The following PARD3 variants were observed in gnomAD, a reference collection of about 807,000 sequenced individuals.
PARD3 encodes partitioning defective 3 homolog.
A neutral mutation model predicts 155.4 loss-of-function variants in PARD3; 75 were observed. The ratio of observed to expected loss-of-function variants is 0.48; its 90% CI spans 0.40 to 0.58. The LOEUF (loss-of-function observed/expected upper bound fraction) is 0.58. PARD3 is among the 20% of genes least tolerant of loss of function. The pLI, the probability that PARD3 is intolerant of heterozygous loss-of-function variation, is 0.00. For missense variants in PARD3, 1,642 were observed against 1,721.7 expected, an observed-to-expected ratio of 0.95 and a Z score of 0.82; for synonymous variants, 576 against 610.5, an observed-to-expected ratio of 0.94 and a Z score of 0.83.
intron 2 of PARD3, among the ~76,000 whole-genome samples, chr10:34,522,126 A>T (rs2082184301): frequency 6.6e-6 from 1 of 152,198 alleles, no homozygotes; most frequent in Admixed American, 6.5e-5. Flanking sequence ...TGGAAAGATT[A>T]TCCTTCATTA....
intron 24 of PARD3, among the ~76,000 whole-genome samples, chr10:34,111,956 G>C (rs771494850): frequency 6.6e-6 from 1 of 152,170 alleles, no homozygotes; most frequent in South Asian, 2.1e-4. Flanking sequence ...GCTCGCTTTA[G>C]AACATTACAA....
intron 24 of PARD3, among the ~76,000 whole-genome samples, chr10:34,115,810 T>C (rs1250525254): frequency 2.0e-5 from 3 of 151,892 alleles, no homozygotes; most frequent in Non-Finnish European, 2.9e-5. Context: ...CCTCCCGGGT[T>C]CACACCATTC....
At chr10:34,784,256 C>G (rs1474074936) in intron 1 of PARD3, among the ~76,000 whole-genome samples, 1 of 151,678 alleles carries the variant, frequency 6.6e-6, no homozygotes, top group Non-Finnish European at 1.5e-5. Flanking sequence ...AATAGTATTC[C>G]AAGTCATAAA....
At chr10:34,710,569 T>C (rs12220105) in intron 1 of PARD3, among the ~76,000 whole-genome samples, 42,304 of 151,996 alleles carry the variant, frequency 0.28, 7,223 homozygotes, top group Non-Finnish European at 0.38. Flanking sequence ...GTAATATGAG[T>C]CATTTCCAAT....
In PARD3 at chr10:34,519,685, G is replaced by A. The variant is rs12761536; in HGVS notation, c.223-2526C>T. Reference sequence around the variant, plus strand: ...AAAAATTAGCCAGGTGTGGTGGCACGCTTCTGTAATCCCAGCTACTCGGGA... The same window carrying A: ...AAAAATTAGCCAGGTGTGGTGGCACACTTCTGTAATCCCAGCTACTCGGGA... On this transcript the variant is annotated intron_variant, in intron 2 of 24. Coordinates refer to ENST00000374788, the MANE Select transcript of PARD3 (RefSeq NM_001184785.2). Among the ~76,000 whole-genome samples, 890 of 151,948 alleles carry A rather than the reference G, an allele frequency of 5.9e-3. 8 individuals are homozygous for A. Among genetic ancestry groups the A allele is most frequent in the African/African-American group, 0.02 (845 of 41,474 alleles).
chr10:34,244,260 T>C (rs1953795748), intron 22 of PARD3, among the ~76,000 whole-genome samples: 1 of 152,242 alleles, frequency 6.6e-6, no homozygotes, highest in Non-Finnish European at 1.5e-5. Flanking sequence ...AGATTTTGTT[T>C]ACTATAAACA....
At chr10:34,210,088 C>A (rs1288868088) in intron 22 of PARD3, among the ~76,000 whole-genome samples, 1 of 152,162 alleles carries the variant, frequency 6.6e-6, no homozygotes, top group Non-Finnish European at 1.5e-5. Context: ...GTGAGTGATA[C>A]TGTGTCTTTA....
chr10:34,625,288 G>A (rs1248148052), intron 2 of PARD3, among the ~76,000 whole-genome samples: 1 of 152,174 alleles, frequency 6.6e-6, no homozygotes, highest in Admixed American at 6.5e-5. Flanking sequence ...GAGTACAGTC[G>A]GCAGCAATTA....
At position 34,564,216 on chromosome 10, in the gene PARD3, CAATT is replaced by C. The variant is rs1753535476; in HGVS notation, c.223-47061_223-47058del. ...ATAAAATTTATGTCTCATAAAATAT[CAATT>C]AACCATCTCCTGACAGAGAAGTAGT... On this transcript the variant is annotated intron_variant, in intron 2 of 24. Transcript: ENST00000374788. Among the ~76,000 whole-genome samples, 2 of 152,148 alleles carry C rather than the reference CAATT, an allele frequency of 1.3e-5. 1 individual carries two copies. Among genetic ancestry groups the C allele is most frequent in the South Asian group, 4.1e-4 (2 of 4,832 alleles).
chr10:34,423,813 G>A (rs558135631), intron 5 of PARD3, among the ~76,000 whole-genome samples: 2 of 152,034 alleles, frequency 1.3e-5, no homozygotes, highest in African/African-American at 4.8e-5. Context: ...CAACTACCTA[G>A]GTTTTCCAGA....
chr10:34,336,083 A>T (rs1217543943), intron 18 of PARD3, 116 bp downstream of exon 18: 9 of 701,216 alleles, frequency 1.3e-5, no homozygotes, highest in Non-Finnish European at 2.2e-5. Flanking sequence ...CAATGAAAAC[A>T]TCTGCGTAAG....
At chr10:34,696,269 C>CAAA (rs5784425) in intron 2 of PARD3, 49 bp downstream of exon 2, 374 of 945,308 alleles carry the variant, frequency 4.0e-4, no homozygotes, top group Non-Finnish European at 4.7e-4. Context: ...CCCTAGTCCT[C>CAAA]AAAAAAAAAA....
intron 22 of PARD3, among the ~76,000 whole-genome samples, chr10:34,145,221 A>ATATATTTTTTTTTT (rs1491430560): frequency 2.9e-5 from 1 of 33,970 alleles, no homozygotes; most frequent in African/African-American, 1.4e-4. Flanking sequence ...ATATATATAT[A>ATATATTTTTTTTTT]TTTTTTTTTT....
chr10:34,510,342 A>G (rs2081331361), intron 3 of PARD3, among the ~76,000 whole-genome samples: 1 of 152,232 alleles, frequency 6.6e-6, no homozygotes, highest in African/African-American at 2.4e-5. Context: ...GTCAAAGGCA[A>G]GCCATGATAG....
intron 1 of PARD3, among the ~76,000 whole-genome samples, chr10:34,765,126 A>G (rs897833755): frequency 1.3e-5 from 2 of 152,090 alleles, no homozygotes; most frequent in African/African-American, 4.8e-5. Context: ...CCTTCCCCCA[A>G]AAAGATACAG....
chr10:34,355,959 A>AG (rs1838826677), intron 14 of PARD3, among the ~76,000 whole-genome samples: 3 of 110,618 alleles, frequency 2.7e-5, no homozygotes, highest in Non-Finnish European at 4.9e-5. Flanking sequence ...AAACAAAACC[A>AG]AACAAAAAAA....
At chr10:34,639,546 A>T (rs1027524352) in intron 2 of PARD3, among the ~76,000 whole-genome samples, 6 of 152,188 alleles carry the variant, frequency 3.9e-5, no homozygotes, top group African/African-American at 1.4e-4. Flanking sequence ...TGAGGCTCAC[A>T]TCTTATTAAA....
At chr10:34,434,788 A>C (rs1372560666) in intron 5 of PARD3, among the ~76,000 whole-genome samples, 1 of 152,204 alleles carries the variant, frequency 6.6e-6, no homozygotes, top group East Asian at 1.9e-4. Flanking sequence ...AGAACACTCT[A>C]AATATCAATG....
At chr10:34,671,820 T>G (rs1005773469) in intron 2 of PARD3, among the ~76,000 whole-genome samples, 7 of 152,020 alleles carry the variant, frequency 4.6e-5, no homozygotes, top group African/African-American at 1.5e-4. Context: ...AAAAAAGAAG[T>G]AGGTCATGAA....
Sources: gnomAD v4.1 joint callset for allele counts (sites outside exome capture counted in the v4.1 genomes callset) on GRCh38, gnomAD v4.1.1 for gene constraint, MANE v1.5 for transcripts, NCBI Gene and HGNC (gene_info 2026-07-23, HGNC 2026-07-21) for gene names.